Variants in PCDH15 observed in about 807,000 individuals in gnomAD.
PCDH15 encodes the protein protocadherin related 15, also known as protocadherin-15.
PCDH15 carries 129 observed loss-of-function variants against 178.5 expected under a neutral mutation model. The observed-to-expected ratio is 0.72, with a 90% CI of 0.63 to 0.84. The LOEUF (loss-of-function observed/expected upper bound fraction) is 0.84. PCDH15 is among the 40% of genes least tolerant of loss of function. The probability of loss-of-function intolerance (pLI) is 0.00; values close to 1 mark genes in which losing one functional copy is unlikely to be tolerated. For missense variants in PCDH15, 2,230 were observed against 2,099.9 expected, an observed-to-expected ratio of 1.06 and a Z score of -1.21; for synonymous variants, 800 against 732.0, an observed-to-expected ratio of 1.09 and a Z score of -1.50.
intron 13 of PCDH15, among the ~76,000 whole-genome samples, chr10:54,182,440 A>G (rs2048074022): frequency 6.6e-6 from 1 of 152,142 alleles, no homozygotes; most frequent in Non-Finnish European, 1.5e-5. Flanking sequence ...AGTAAGGGAA[A>G]GAAGAAAATA....
chr10:55,348,626 A>G (rs1158212981), intron 2 of PCDH15, among the ~76,000 whole-genome samples: 1 of 152,206 alleles, frequency 6.6e-6, no homozygotes, highest in African/African-American at 2.4e-5. Context: ...TGTCTGTGAA[A>G]TATAAGAAGA....
rs2082978568 is a variant in PCDH15, at chr10:54,522,466, T to C, written c.157+5346A>G. Among the ~76,000 whole-genome samples, 3 of 152,224 alleles carry C rather than the reference T, an allele frequency of 2.0e-5. No individual in the cohort carries two copies. In the South Asian group the frequency reaches 6.2e-4, roughly 32 times the overall value. ...CTATAATGTAAATTCCCTGGATGAATGCATGGCTCACATCTTCAGTCTTAA... is the reference window on the plus strand; with the variant it reads ...CTATAATGTAAATTCCCTGGATGAACGCATGGCTCACATCTTCAGTCTTAA... On this transcript the variant is annotated intron_variant, in intron 3 of 37. Coordinates refer to ENST00000644397, the MANE Select transcript of PCDH15 (RefSeq NM_001384140.1).
At chr10:55,430,417 A>G (rs917644308) in intron 2 of PCDH15, among the ~76,000 whole-genome samples, 1 of 152,216 alleles carries the variant, frequency 6.6e-6, no homozygotes, top group African/African-American at 2.4e-5. Flanking sequence ...AGGTTTAATC[A>G]TTTATGTTTT....
intron 21 of PCDH15, among the ~76,000 whole-genome samples, chr10:53,968,286 C>T (rs2089269304): frequency 6.6e-6 from 1 of 152,150 alleles, no homozygotes; most frequent in Admixed American, 6.5e-5. Context: ...AACTGCAAGG[C>T]AGCAGTGAGG....
At chr10:54,468,711 G>C (rs965557113) in intron 3 of PCDH15, among the ~76,000 whole-genome samples, 12 of 152,076 alleles carry the variant, frequency 7.9e-5, no homozygotes, top group African/African-American at 2.9e-4. Context: ...TGATGTTTTT[G>C]TCAAGATGAT....
At chr10:55,276,940 T>C (rs1344417212) in intron 1 of PCDH15, among the ~76,000 whole-genome samples, 2 of 152,076 alleles carry the variant, frequency 1.3e-5, no homozygotes, top group Non-Finnish European at 2.9e-5. Flanking sequence ...TTTCCAGGTT[T>C]TGAAAGAATT....
intron 2 of PCDH15, among the ~76,000 whole-genome samples, chr10:55,331,964 T>C (rs888284437): frequency 6.6e-6 from 1 of 152,078 alleles, no homozygotes; most frequent in African/African-American, 2.4e-5. Flanking sequence ...ATCACTAATA[T>C]TCATGATATA....
At chr10:55,616,131 T>A (rs1843469324) in intron 2 of PCDH15, among the ~76,000 whole-genome samples, 1 of 152,144 alleles carries the variant, frequency 6.6e-6, no homozygotes, top group Admixed American at 6.5e-5. Context: ...TACTTCTGAA[T>A]TTTCCACATT....
At chr10:55,035,637 T>C (rs1840717120) in intron 2 of PCDH15, among the ~76,000 whole-genome samples, 1 of 152,152 alleles carries the variant, frequency 6.6e-6, no homozygotes, top group South Asian at 2.1e-4. Context: ...TTTAAAAATA[T>C]TATAGATACT....
intron 17 of PCDH15, among the ~76,000 whole-genome samples, chr10:54,069,090 G>A (rs1294545270): frequency 2.0e-5 from 3 of 152,090 alleles, no homozygotes; most frequent in Non-Finnish European, 2.9e-5. Context: ...CCTTAGAATT[G>A]AAAGCAGTAA....
At chr10:54,470,918 C>T in intron 3 of PCDH15, among the ~76,000 whole-genome samples, 1 of 152,054 alleles carries the variant, frequency 6.6e-6, no homozygotes, top group East Asian at 1.9e-4. Context: ...GGCGCCCCTT[C>T]ATCTCTTTAT....
chr10:55,037,934 C>G (rs1840777785), intron 2 of PCDH15, among the ~76,000 whole-genome samples: 1 of 151,892 alleles, frequency 6.6e-6, no homozygotes, highest in African/African-American at 2.4e-5. Context: ...AAGTTTGTAC[C>G]CATATTATTT....
chr10:53,898,157 G>A (rs1214333419), intron 26 of PCDH15, among the ~76,000 whole-genome samples: 1 of 9,984 alleles, frequency 1.0e-4, no homozygotes, highest in Admixed American at 2.2e-3. Context: ...TAGTAGAGAC[G>A]GGGGTTTCAC....
intron 8 of PCDH15, among the ~76,000 whole-genome samples, chr10:54,252,226 T>C (rs2056539648): frequency 6.6e-6 from 1 of 152,174 alleles, no homozygotes; most frequent in South Asian, 2.1e-4. Context: ...TTGATGCAAC[T>C]TGTCATCCCT....
intron 3 of PCDH15, among the ~76,000 whole-genome samples, chr10:54,400,044 A>T (rs1181041257): frequency 6.6e-6 from 1 of 152,108 alleles, no homozygotes; most frequent in Non-Finnish European, 1.5e-5. Flanking sequence ...AGAGAGAGCA[A>T]GGTTGTTGAC....
chr10:54,306,401 G>C (rs1194747881), intron 8 of PCDH15, among the ~76,000 whole-genome samples: 1 of 152,032 alleles, frequency 6.6e-6, no homozygotes, highest in African/African-American at 2.4e-5. Context: ...TCATGTGATT[G>C]TGGAGTTGGG....
chr10:54,010,326 C>T (rs7070828), intron 20 of PCDH15, among the ~76,000 whole-genome samples: 98,700 of 151,586 alleles, frequency 0.65, 32,214 homozygotes, highest in South Asian at 0.74. Flanking sequence ...CCTAGGACCT[C>T]GGCAACCCCC....
chr10:54,658,693 A>G (rs2094446457), intron 2 of PCDH15, among the ~76,000 whole-genome samples: 1 of 152,216 alleles, frequency 6.6e-6, no homozygotes. Flanking sequence ...AAGCATATAT[A>G]AGTACAAAGT....
chr10:55,154,713 G>A (rs1295097247), intron 2 of PCDH15, among the ~76,000 whole-genome samples: 1 of 152,050 alleles, frequency 6.6e-6, no homozygotes, highest in African/African-American at 2.4e-5. Context: ...ATCATAAAAG[G>A]GCAAATAGAA....
Sources: allele counts gnomAD v4.1 joint callset (sites outside exome capture counted in the v4.1 genomes callset), GRCh38; gene constraint gnomAD v4.1.1; transcripts MANE v1.5; gene names NCBI Gene and HGNC (gene_info 2026-07-23, HGNC 2026-07-21).